MLC1: variants seen among roughly 807,000 people sequenced by gnomAD.
The protein encoded by MLC1 is membrane protein MLC1.
Under a neutral mutation model 44.7 loss-of-function variants are expected in MLC1, and 32 were observed. The observed-to-expected ratio is 0.72, with a 90% confidence interval of 0.54 to 0.96. The LOEUF is 0.96. MLC1 is among the 40% of genes least tolerant of loss of function. The pLI is 0.00. For synonymous variants in MLC1, 190 were observed against 213.0 expected (o/e 0.89, Z 0.94); for missense variants, 459 against 492.2 (o/e 0.93, Z 0.64).
In MLC1 at chr22:50,067,477, CATCAGGCAGTGACTCTATCCCCT is replaced by C. The variant is rs1231650905; in HGVS notation, c.894+933_894+955del. Among the ~76,000 whole-genome samples, 1,143 of 117,118 alleles carry C rather than the reference CATCAGGCAGTGACTCTATCCCCT, an allele frequency of 9.8e-3. 20 individuals are homozygous for C. Among genetic ancestry groups the C allele is most frequent in the Non-Finnish European group, 0.014 (743 of 54,312 alleles). 76.8% of individuals were successfully genotyped at this position (117,118 alleles called of 152,430 possible). A position where few individuals can be genotyped will look rare whatever the true frequency, so the allele number is the denominator to read the frequency against. On this transcript the variant is annotated intron_variant, in intron 10 of 11. Coordinates refer to ENST00000311597, the MANE Select transcript of MLC1 (RefSeq NM_015166.4). ...CCGTCAGGCAGTGACTCCATCCCCC[CATCAGGCAGTGACTCTATCCCCT>C]GTCAGGCAGTGACTCCATCCCCCTG...
chr22:50,074,746 T>G, intron 7 of MLC1: 1 of 285,498 alleles, frequency 3.5e-6, no homozygotes, highest in Non-Finnish European at 6.9e-6. Context: ...TAGCTTCCCA[T>G]AGGACACACC....
chr22:50,076,686 A>G (rs536586899), intron 7 of MLC1, among the ~76,000 whole-genome samples, 155 bp downstream of exon 7: 24 of 152,396 alleles, frequency 1.6e-4, no homozygotes, highest in African/African-American at 5.5e-4. Flanking sequence ...TGATACCAAT[A>G]ACAGACTAGA....
At chr22:50,075,943 G>A (rs1295662180) in intron 7 of MLC1, among the ~76,000 whole-genome samples, 1 of 152,116 alleles carries the variant, frequency 6.6e-6, no homozygotes, top group Non-Finnish European at 1.5e-5. Context: ...GTTTATCAAG[G>A]AGCGTATTAG....
At chr22:50,061,866 C>T (rs573376032) in intron 11 of MLC1, among the ~76,000 whole-genome samples, 2 of 152,334 alleles carry the variant, frequency 1.3e-5, no homozygotes, top group Admixed American at 6.5e-5. Context: ...TGCATCCCCC[C>T]CCGCACACAC....
intron 5 of MLC1, among the ~76,000 whole-genome samples, chr22:50,079,500 C>CTTTTTTTTTTTTTT (rs55760839): frequency 1.3e-5 from 1 of 75,820 alleles, no homozygotes; most frequent in Non-Finnish European, 2.5e-5. Flanking sequence ...GGATTTTTGT[C>CTTTTTTTTTTTTTT]TTTTTTTTTT....
intron 10 of MLC1, among the ~76,000 whole-genome samples, chr22:50,066,621 C>T (rs1461965599): frequency 1.3e-5 from 2 of 151,332 alleles, no homozygotes; most frequent in Admixed American, 6.6e-5. Context: ...GACTGTGCCA[C>T]TGCACTCCAG....
intron 5 of MLC1, among the ~76,000 whole-genome samples, chr22:50,079,500 CTTTTTTTTT>C (rs55760839): frequency 5.3e-5 from 4 of 75,820 alleles, no homozygotes; most frequent in African/African-American, 1.6e-4. Flanking sequence ...GGATTTTTGT[CTTTTTTTTT>C]TTTTTTTTTT....
At chr22:50,082,467 G>A (rs2235351) in intron 3 of MLC1, among the ~76,000 whole-genome samples, 11,150 of 152,298 alleles carry the variant, frequency 0.073, 490 homozygotes, top group South Asian at 0.16. Flanking sequence ...GCTTTGGGAG[G>A]ATGTGGGGCA....
In MLC1 at chr22:50,068,635, G is replaced by C. The variant is rs75474964; in HGVS notation, c.772-80C>G. 184,142 of 1,385,580 alleles carry C rather than the reference G, an allele frequency of 0.13. 32,941 individuals carry two copies. The highest frequency in any genetic ancestry group is 0.22 in the South Asian group (18,699 of 85,752). The allele number at this position is 1,385,580 out of a possible 1,614,324, so 85.8% of individuals were successfully genotyped here. ...AGCGGGCGTGGCCAGGGCTGGGGGG[G>C]CGGGCATGGCCGGGCACTCATGGGC... On this transcript the variant is annotated intron_variant, in intron 9 of 11. Coordinates refer to ENST00000311597, the MANE Select transcript of MLC1 (RefSeq NM_015166.4).
At chr22:50,077,110 G>C (rs1421620443) in intron 6 of MLC1, among the ~76,000 whole-genome samples, 198 bp from the exon 7 acceptor site, 1 of 152,210 alleles carries the variant, frequency 6.6e-6, no homozygotes, top group Non-Finnish European at 1.5e-5. Flanking sequence ...TAGCAGATGT[G>C]GTGTCTCCTG....
intron 10 of MLC1, among the ~76,000 whole-genome samples, chr22:50,066,892 G>C (rs9617142): frequency 0.15 from 22,400 of 150,442 alleles, 1,755 homozygotes; most frequent in East Asian, 0.2. Flanking sequence ...CCCTAAAATG[G>C]AATACAACCA....
At chr22:50,079,890 C>G in intron 5 of MLC1, 28 bp downstream of exon 5, 4 of 1,502,538 alleles carry the variant, frequency 2.7e-6, no homozygotes, top group Non-Finnish European at 3.7e-6. Context: ...GGGTGTCAGG[C>G]GTCTGCGCGA....
At chr22:50,067,520 C>A (rs1391370310) in intron 10 of MLC1, among the ~76,000 whole-genome samples, 1 of 95,312 alleles carries the variant, frequency 1.0e-5, no homozygotes, top group East Asian at 3.6e-4. Flanking sequence ...TGACTCCATC[C>A]CCCTGTCAGG....
At position 50,074,337 on chromosome 22, in the gene MLC1, A is replaced by AG; in HGVS notation, c.598-6dup. 2 of 1,610,828 alleles carry AG rather than the reference A, an allele frequency of 1.2e-6. No individual in the cohort carries two copies. The highest frequency in any genetic ancestry group is 1.7e-6 in the Non-Finnish European group (2 of 1,177,174). On this transcript the variant is annotated splice_region_variant and splice_polypyrimidine_tract_variant and intron_variant, in intron 7 of 11. Transcript: ENST00000311597. Reference sequence around the variant, plus strand: ...GCCTGCGATTACCTCGACGACCTGGAGGGGACAGGACAGCATCGGCTCATA... The same window carrying AG: ...GCCTGCGATTACCTCGACGACCTGGAGGGGGACAGGACAGCATCGGCTCATA...
At chr22:50,076,412 G>A (rs548862183) in intron 7 of MLC1, among the ~76,000 whole-genome samples, 4 of 152,170 alleles carry the variant, frequency 2.6e-5, no homozygotes, top group Admixed American at 6.5e-5. Context: ...ATAATTAGCC[G>A]GGCGTGGTGG....
At chr22:50,066,092 C>A in intron 10 of MLC1, among the ~76,000 whole-genome samples, 1 of 151,890 alleles carries the variant, frequency 6.6e-6, no homozygotes, top group East Asian at 1.9e-4. Flanking sequence ...CATCCCAGCA[C>A]TTTGGGAGGC....
intron 10 of MLC1, among the ~76,000 whole-genome samples, chr22:50,064,586 G>C (rs1198492569): frequency 6.6e-6 from 1 of 152,070 alleles, no homozygotes; most frequent in African/African-American, 2.4e-5. Flanking sequence ...GTGTCAGCAG[G>C]ATCCTGAGCG....
At position 50,061,579 on chromosome 22, in the gene MLC1, G is replaced by A; in HGVS notation, c.*4C>T. The A allele has an allele frequency of 6.2e-7, 1 of 1,613,612 alleles. No homozygotes were observed. Among genetic ancestry groups the A allele is most frequent in the Non-Finnish European group, 8.5e-7 (1 of 1,179,940 alleles). On this transcript the variant is annotated 3_prime_UTR_variant, in exon 12 of 12. Transcript: ENST00000311597. ...CGCTGCCACCCGGTTTCCGCGTCTG[G>A]GGGTCACTGGGCCATTTGCACCACG...
chr22:50,077,348 C>G (rs1689416326), intron 6 of MLC1, 53 bp downstream of exon 6: 2 of 1,531,598 alleles, frequency 1.3e-6, no homozygotes, highest in Admixed American at 3.4e-5. Flanking sequence ...CTCGCTCACC[C>G]TGGGGTGATG....
Sources: gnomAD v4.1 joint callset for allele counts (sites outside exome capture counted in the v4.1 genomes callset) on GRCh38, gnomAD v4.1.1 for gene constraint, MANE v1.5 for transcripts, NCBI Gene and HGNC (gene_info 2026-07-23, HGNC 2026-07-21) for gene names.